FAT3: variants seen among roughly 807,000 people sequenced by gnomAD.
The protein encoded by FAT3 is protocadherin Fat 3.
FAT3 carries 95 observed loss-of-function variants against 310.2 expected under a neutral mutation model. The observed-to-expected ratio is 0.31, with a 90% CI of 0.26 to 0.36. FAT3 has a LOEUF of 0.36. Among genes scored for constraint, FAT3 ranks in the 10% least tolerant of loss-of-function variants. The probability of loss-of-function intolerance (pLI) is 1.00; values close to 1 mark genes in which losing one functional copy is unlikely to be tolerated. For missense variants in FAT3, 5,408 were observed against 5,715.6 expected, an observed-to-expected ratio of 0.95 and a Z score of 1.74; for synonymous variants, 2,314 against 2,192.9, an observed-to-expected ratio of 1.06 and a Z score of -1.54.
chr11:92,261,559 A>G (rs762602149), intron 1 of FAT3, among the ~76,000 whole-genome samples: 2 of 152,090 alleles, frequency 1.3e-5, no homozygotes, highest in Non-Finnish European at 2.9e-5. Context: ...TTTCTGTCCA[A>G]AAATCTAACT....
chr11:92,245,822 G>A (rs11019885), intron 1 of FAT3, among the ~76,000 whole-genome samples: 5,875 of 152,216 alleles, frequency 0.039, 424 homozygotes, highest in African/African-American at 0.13. Flanking sequence ...AGTAAGAAAA[G>A]ATGATAGTTG....
intron 1 of FAT3, among the ~76,000 whole-genome samples, chr11:92,240,776 A>C (rs1195126073): frequency 3.3e-5 from 5 of 152,056 alleles, no homozygotes; most frequent in African/African-American, 9.7e-5. Flanking sequence ...CATTGACAAA[A>C]GCCAGCAACT....
At chr11:92,744,306 C>T (rs896351485) in intron 4 of FAT3, among the ~76,000 whole-genome samples, 33 of 152,128 alleles carry the variant, frequency 2.2e-4, no homozygotes, top group Admixed American at 2.2e-3. Flanking sequence ...ATGTTCTCTT[C>T]CAAGAGTTAC....
intron 2 of FAT3, among the ~76,000 whole-genome samples, chr11:92,501,798 C>T (rs1318982065): frequency 7.2e-5 from 11 of 151,958 alleles, no homozygotes; most frequent in Non-Finnish European, 2.9e-5. Flanking sequence ...TCTCTCCTGC[C>T]TCTTGGCTTA....
At chr11:92,790,991 T>C (rs923366316) in intron 8 of FAT3, among the ~76,000 whole-genome samples, 5 of 152,178 alleles carry the variant, frequency 3.3e-5, no homozygotes, top group African/African-American at 4.8e-5. Flanking sequence ...TCTGCACTGA[T>C]TGGCTTTAAA....
At chr11:92,385,939 A>C (rs1278606197) in intron 2 of FAT3, among the ~76,000 whole-genome samples, 2 of 152,022 alleles carry the variant, frequency 1.3e-5, no homozygotes, top group African/African-American at 4.8e-5. Flanking sequence ...TGAGTCCAGG[A>C]GTTCAAGACC....
chr11:92,713,278 T>A (rs1944581419), intron 4 of FAT3, among the ~76,000 whole-genome samples: 1 of 152,228 alleles, frequency 6.6e-6, no homozygotes, highest in South Asian at 2.1e-4. Context: ...ACTGCTTTTC[T>A]GTTCTCTCCT....
Position 92,801,277 on chromosome 11 carries a change from T to C in FAT3, c.8264T>C (p.Ile2755Thr). The C allele has an allele frequency of 1.2e-6, 2 of 1,613,852 alleles. No individual in the cohort carries two copies. Among genetic ancestry groups the C allele is most frequent in the South Asian group, 2.2e-5 (2 of 91,060 alleles). The change falls in exon 10 of 28, where the codon ATA becomes ACA. Residue 2755 changes from isoleucine (I) to threonine (T), a missense_variant. Transcript: ENST00000525166. ...CGGCCAGAAAATAACAAAGGGGGCATATTCGTCATAGAACAGGAAACAGGC... is the reference window on the plus strand; with the variant it reads ...CGGCCAGAAAATAACAAAGGGGGCACATTCGTCATAGAACAGGAAACAGGC... ...GERPENNKGG[I>T]FVIEQETGTI...
Position 92,805,339 on chromosome 11 carries a change from T to C in FAT3, c.9083T>C (p.Val3028Ala). 6.2e-7 allele frequency: 1 copy of C among 1,613,012 alleles called. No homozygotes were observed. Among genetic ancestry groups the C allele is most frequent in the South Asian group, 1.1e-5 (1 of 90,912 alleles). Residue 3028 changes from valine to alanine, a missense_variant, in exon 11 of 28, where the codon GTG becomes GCG. Physicochemically the swap from Val to Ala is moderately conservative, Grantham distance 64. Around this residue, in one of 5 missense-constraint regions of FAT3, gnomAD observed 4,588 missense variants for 4,809.8 expected, o/e 0.95. Coordinates refer to ENST00000525166, the MANE Select transcript of FAT3 (RefSeq NM_001367949.2). ...AGTGATGTGAATGACAATAGCCCAG[T>C]GTGTGATCAGGTGAGATTTGGGGAT... Reference protein sequence around the residue: ...SVSDVNDNSPVCDQVAYTALL... With the variant: ...SVSDVNDNSPACDQVAYTALL...
intron 2 of FAT3, among the ~76,000 whole-genome samples, chr11:92,506,683 T>A (rs1305348512): frequency 1.3e-5 from 2 of 152,180 alleles, no homozygotes; most frequent in Non-Finnish European, 2.9e-5. Context: ...CTTCACATTA[T>A]GAGCAGTGCT....
chr11:92,670,876 C>T (rs1430942198), intron 3 of FAT3, among the ~76,000 whole-genome samples: 1 of 152,094 alleles, frequency 6.6e-6, no homozygotes, highest in Non-Finnish European at 1.5e-5. Flanking sequence ...CCTCTGAATC[C>T]CAGGCTGACA....
chr11:92,466,853 A>G (rs1951775829), intron 2 of FAT3, among the ~76,000 whole-genome samples: 1 of 150,398 alleles, frequency 6.6e-6, no homozygotes, highest in Admixed American at 6.7e-5. Flanking sequence ...TGTCTTTGCT[A>G]TAGTTTACTG....
chr11:92,490,907 A>G (rs958506163), intron 2 of FAT3, among the ~76,000 whole-genome samples: 1 of 152,082 alleles, frequency 6.6e-6, no homozygotes, highest in Non-Finnish European at 1.5e-5. Context: ...CTTTTTAGAT[A>G]GGAAAACTTA....
chr11:92,551,030 C>T (rs1265671948), intron 3 of FAT3, among the ~76,000 whole-genome samples: 2 of 151,974 alleles, frequency 1.3e-5, no homozygotes, highest in African/African-American at 4.8e-5. Context: ...GTATTCTGAA[C>T]TATCTGGCCA....
chr11:92,259,484 G>A (rs890230143), intron 1 of FAT3, among the ~76,000 whole-genome samples: 1 of 151,518 alleles, frequency 6.6e-6, no homozygotes, highest in Non-Finnish European at 1.5e-5. Context: ...ATAGGAAATG[G>A]ATTGAAATTT....
chr11:92,712,154 T>C (rs1944545102), intron 4 of FAT3, among the ~76,000 whole-genome samples: 1 of 152,160 alleles, frequency 6.6e-6, no homozygotes, highest in Admixed American at 6.5e-5. Context: ...GCTTGACATG[T>C]CTCTGAGAGG....
At chr11:92,641,474 G>T (rs1411638874) in intron 3 of FAT3, among the ~76,000 whole-genome samples, 1 of 152,144 alleles carries the variant, frequency 6.6e-6, no homozygotes. Context: ...CTCTCTGAAG[G>T]CTCTAGGGAA....
At chr11:92,454,542 C>T (rs557574262) in intron 2 of FAT3, among the ~76,000 whole-genome samples, 5 of 152,080 alleles carry the variant, frequency 3.3e-5, no homozygotes, top group Admixed American at 6.6e-5. Context: ...GAAGTGAACA[C>T]GATTGGTAGA....
intron 7 of FAT3, among the ~76,000 whole-genome samples, chr11:92,785,848 A>G (rs1213969181): frequency 6.6e-6 from 1 of 152,190 alleles, no homozygotes; most frequent in Non-Finnish European, 1.5e-5. Context: ...AGGTTTATTT[A>G]GAAGAACAAG....
Sources: gnomAD v4.1 joint callset for allele counts (sites outside exome capture counted in the v4.1 genomes callset) on GRCh38, gnomAD v4.1.1 for gene constraint, gnomAD v4.1.1 regional missense constraint, MANE v1.5 for transcripts, NCBI Gene and HGNC (gene_info 2026-07-23, HGNC 2026-07-21) for gene names.